CCDC91: variants seen among roughly 807,000 people sequenced by gnomAD.
CCDC91 encodes coiled-coil domain-containing protein 91.
In CCDC91, 48 loss-of-function variants were observed where a neutral mutation model predicts 63.2. That is an observed-to-expected ratio of 0.76 (90% CI 0.60 to 0.97). CCDC91 has a LOEUF of 0.97. Among genes scored for constraint, CCDC91 ranks in the 50% least tolerant of loss-of-function variants. The pLI is 0.00. For synonymous variants in CCDC91, 167 were observed against 165.8 expected (o/e 1.01, Z -0.06); for missense variants, 500 against 494.6 (o/e 1.01, Z -0.10).
rs1286415150 is a variant in CCDC91, at chr12:28,335,099, AAT to A, written c.577-27335_577-27334del. ...AATATATAAAATGTAAAAAATATAA[AAT>A]ATAAATATACATTTATATTTTATAC... is the stretch of plus-strand genomic sequence containing the variant. On this transcript the variant is annotated intron_variant, in intron 6 of 12. Transcript: ENST00000536442. Among the ~76,000 whole-genome samples, 3 of 144,130 alleles carry A rather than the reference AAT, an allele frequency of 2.1e-5. No homozygotes were observed. In the East Asian group the frequency reaches 5.9e-4, roughly 29 times the overall value. 94.6% of individuals were successfully genotyped at this position (144,130 alleles called of 152,430 possible). A position where few individuals can be genotyped will look rare whatever the true frequency, so the allele number is the denominator to read the frequency against.
At chr12:28,342,745 A>G (rs1291738042) in intron 6 of CCDC91, among the ~76,000 whole-genome samples, 4 of 152,124 alleles carry the variant, frequency 2.6e-5, no homozygotes, top group Admixed American at 6.5e-5. Context: ...TCTTGCAGTA[A>G]TAGTAGGGAA....
At chr12:28,500,820 C>G (rs1385917417) in intron 12 of CCDC91, among the ~76,000 whole-genome samples, 1 of 151,600 alleles carries the variant, frequency 6.6e-6, no homozygotes, top group African/African-American at 2.4e-5. Context: ...TTGGAATGTT[C>G]CCTGCCCTCC....
chr12:28,299,660 T>G (rs1165434907), intron 3 of CCDC91, among the ~76,000 whole-genome samples: 1 of 151,646 alleles, frequency 6.6e-6, no homozygotes, highest in East Asian at 1.9e-4. Flanking sequence ...ACCTCATTCC[T>G]GCCGATCTTC....
intron 12 of CCDC91, among the ~76,000 whole-genome samples, chr12:28,548,514 G>A (rs1943137031): frequency 1.3e-5 from 2 of 151,876 alleles, no homozygotes; most frequent in Admixed American, 6.6e-5. Flanking sequence ...CAAATGATTC[G>A]CCCACCTCAG....
intron 11 of CCDC91, among the ~76,000 whole-genome samples, chr12:28,458,790 A>G (rs1592731407): frequency 1.3e-5 from 2 of 151,966 alleles, no homozygotes. Flanking sequence ...AAACATATAC[A>G]CTTACTTCAA....
chr12:28,475,488 T>TA (rs1951034459), intron 11 of CCDC91, among the ~76,000 whole-genome samples: 1 of 152,124 alleles, frequency 6.6e-6, no homozygotes, highest in Admixed American at 6.6e-5. Context: ...GATTTATTGA[T>TA]AGAGTTTACA....
intron 8 of CCDC91, among the ~76,000 whole-genome samples, chr12:28,449,085 A>G (rs189780424): frequency 1.3e-5 from 2 of 152,034 alleles, no homozygotes; most frequent in East Asian, 3.9e-4. Flanking sequence ...TTAAGGAAAA[A>G]CACATCTTTC....
chr12:28,493,476 A>G (rs180813776), intron 12 of CCDC91, among the ~76,000 whole-genome samples: 27 of 151,844 alleles, frequency 1.8e-4, no homozygotes, highest in Admixed American at 5.9e-4. Context: ...ACATGTGTAT[A>G]TATGTACACT....
At chr12:28,316,531 A>G (rs911100956) in intron 6 of CCDC91, among the ~76,000 whole-genome samples, 1 of 23,414 alleles carries the variant, frequency 4.3e-5, no homozygotes, top group Non-Finnish European at 9.8e-5. Flanking sequence ...TTATTTATTT[A>G]TTTTTACTTT....
intron 1 of CCDC91, among the ~76,000 whole-genome samples, chr12:28,242,573 G>T (rs12813938): frequency 0.01 from 1,556 of 152,244 alleles, 11 homozygotes; most frequent in Non-Finnish European, 0.018. Flanking sequence ...ACCAGTGGGT[G>T]GGGAGAGAGA....
At chr12:28,501,666 C>T (rs1381790369) in intron 12 of CCDC91, among the ~76,000 whole-genome samples, 3 of 151,660 alleles carry the variant, frequency 2.0e-5, no homozygotes, top group Non-Finnish European at 4.4e-5. Context: ...GTCTAAAATT[C>T]TCTTTTTTGG....
intron 12 of CCDC91, among the ~76,000 whole-genome samples, chr12:28,496,367 A>T (rs1033041513): frequency 6.6e-6 from 1 of 151,598 alleles, no homozygotes; most frequent in Non-Finnish European, 1.5e-5. Flanking sequence ...TTCCTCACTT[A>T]TGAATCAAAG....
chr12:28,460,793 GTA>G (rs71784301), intron 11 of CCDC91, among the ~76,000 whole-genome samples: 31,581 of 151,600 alleles, frequency 0.21, 4,274 homozygotes, highest in Non-Finnish European at 0.31. Flanking sequence ...AAATATATCT[GTA>G]TGTGTGTGTG....
Position 28,387,131 on chromosome 12 carries a change from C to G in CCDC91, c.655-4173C>G, listed in dbSNP as rs74781850. 9.1e-3 allele frequency among the ~76,000 whole-genome samples: 1,384 copies of G among 152,150 alleles called. 27 individuals are homozygous for G. The highest frequency in any genetic ancestry group is 0.032 in the African/African-American group (1,316 of 41,478). On this transcript the variant is annotated intron_variant, in intron 7 of 12. Coordinates refer to ENST00000536442, the MANE Select transcript of CCDC91 (RefSeq NM_018318.5). ...ATTCAGTTATACAATAATAGAGCAA[C>G]TTATAAAGGCATGTGGCTAGTATCA... is the stretch of plus-strand genomic sequence containing the variant.
intron 7 of CCDC91, among the ~76,000 whole-genome samples, chr12:28,382,405 G>C (rs1043083680): frequency 5.9e-5 from 9 of 152,012 alleles, no homozygotes; most frequent in African/African-American, 2.2e-4. Flanking sequence ...GTCATAAAAA[G>C]TAGGTAATTT....
chr12:28,516,212 A>G (rs1939929363), intron 12 of CCDC91, among the ~76,000 whole-genome samples: 1 of 151,944 alleles, frequency 6.6e-6, no homozygotes, highest in Non-Finnish European at 1.5e-5. Context: ...TGATTTTAAA[A>G]AAAATCAATC....
At position 28,373,486 on chromosome 12, in the gene CCDC91, T is replaced by C. The variant is rs78122805; in HGVS notation, c.654+10971T>C. On this transcript the variant is annotated intron_variant, in intron 7 of 12. Coordinates refer to ENST00000536442, the MANE Select transcript of CCDC91 (RefSeq NM_018318.5). ...AATGGGGTCTCACATGATTTTTAGG[T>C]GTAGTCATTTTTGTTTGTTATTTAT... 9.2e-3 allele frequency among the ~76,000 whole-genome samples: 1,403 copies of C among 152,290 alleles called. 27 individuals are homozygous for C. Among genetic ancestry groups the C allele is most frequent in the African/African-American group, 0.032 (1,334 of 41,558 alleles).
intron 1 of CCDC91, among the ~76,000 whole-genome samples, chr12:28,230,861 G>T (rs552104087): frequency 7.9e-5 from 12 of 152,278 alleles, no homozygotes; most frequent in Non-Finnish European, 1.3e-4. Flanking sequence ...CTGGACTCAA[G>T]TGATCTGCCT....
intron 3 of CCDC91, among the ~76,000 whole-genome samples, chr12:28,262,973 C>G (rs1946923525): frequency 6.6e-6 from 1 of 151,998 alleles, no homozygotes; most frequent in Non-Finnish European, 1.5e-5. Flanking sequence ...GCCTTCCATG[C>G]TATTCTGCTT....
Sources: gnomAD v4.1 joint callset for allele counts (sites outside exome capture counted in the v4.1 genomes callset) on GRCh38, gnomAD v4.1.1 for gene constraint, MANE v1.5 for transcripts, NCBI Gene and HGNC (gene_info 2026-07-23, HGNC 2026-07-21) for gene names.